Variants in PALD1 observed in about 807,000 individuals in gnomAD.
PALD1 encodes the protein paladin.
A neutral mutation model predicts 96.0 loss-of-function variants in PALD1; 57 were observed. The observed-to-expected ratio is 0.59, with a 90% CI of 0.48 to 0.74. The LOEUF (loss-of-function observed/expected upper bound fraction) is 0.74. Ranked by LOEUF, PALD1 falls within the 30% of genes least tolerant of loss-of-function variation. PALD1 has a pLI of 0.00. For missense variants in PALD1, 1,063 were observed against 1,143.7 expected (o/e 0.93, Z 1.02); for synonymous variants, 464 against 473.6 (o/e 0.98, Z 0.26).
intron 1 of PALD1, among the ~76,000 whole-genome samples, chr10:70,504,020 T>C (rs111417391): frequency 4.6e-5 from 7 of 152,342 alleles, no homozygotes; most frequent in Admixed American, 2.0e-4. Context: ...CTGCGCACCC[T>C]TGGGGCAAGT....
chr10:70,495,034 A>T (rs556446784), intron 1 of PALD1, among the ~76,000 whole-genome samples: 1 of 152,338 alleles, frequency 6.6e-6, no homozygotes, highest in South Asian at 2.1e-4. Context: ...AACTATCAGG[A>T]TGCAAGGCTG....
chr10:70,541,553 G>T lies in PALD1; in HGVS notation c.2121+19G>T. The T allele has an allele frequency of 6.3e-7, 1 of 1,596,366 alleles. No individual in the cohort carries two copies. The highest frequency in any genetic ancestry group is 8.6e-7 in the Non-Finnish European group (1 of 1,166,172). ...ATTTCAGGTGAGCATGCCCTGCGGG[G>T]TCCCTGAGGCACCTTGGGATGGGAG... On this transcript the variant is annotated intron_variant, in intron 17 of 19. Coordinates refer to ENST00000263563, the MANE Select transcript of PALD1 (RefSeq NM_014431.3).
At chr10:70,537,465 A>G (rs559302615) in intron 10 of PALD1, among the ~76,000 whole-genome samples, 1 of 152,292 alleles carries the variant, frequency 6.6e-6, no homozygotes, top group South Asian at 2.1e-4. Context: ...GGCTTCCTCA[A>G]CACAGAGGGT....
At chr10:70,473,536 C>A in the PALD1 span, among the ~76,000 whole-genome samples, 2 of 152,186 alleles carry the variant, frequency 1.3e-5, no homozygotes, top group African/African-American at 4.8e-5. Context: ...GTCCTCCCAG[C>A]CCACTAAAAT....
intron 17 of PALD1, 64 bp downstream of exon 17, chr10:70,541,598 T>C: frequency 2.4e-6 from 3 of 1,258,894 alleles, no homozygotes; most frequent in Non-Finnish European, 3.4e-6. Flanking sequence ...GACTCCTGCT[T>C]GCCGGTCTAG....
chr10:70,514,613 G>C (rs2132325486), intron 1 of PALD1, among the ~76,000 whole-genome samples: 1 of 152,244 alleles, frequency 6.6e-6, no homozygotes, highest in Admixed American at 6.5e-5. Flanking sequence ...TCACCTGGGA[G>C]GTTCATGTCT....
chr10:70,478,639 C>A (rs1845868145), upstream of PALD1, among the ~76,000 whole-genome samples: 1 of 152,174 alleles, frequency 6.6e-6, no homozygotes. Flanking sequence ...GTTCCTCCCG[C>A]CCGGGGGCTG....
At chr10:70,510,547 C>T (rs1425418371) in intron 1 of PALD1, among the ~76,000 whole-genome samples, 1 of 152,210 alleles carries the variant, frequency 6.6e-6, no homozygotes, top group Non-Finnish European at 1.5e-5. Context: ...CAGCCTTTTT[C>T]AGAAGAAGGC....
chr10:70,506,872 C>A (rs1385460159), intron 1 of PALD1, among the ~76,000 whole-genome samples: 1 of 152,188 alleles, frequency 6.6e-6, no homozygotes, highest in Non-Finnish European at 1.5e-5. Context: ...CATGTGTCCT[C>A]CTCCTTAGCC....
chr10:70,482,359 T>C (rs1026088096), intron 1 of PALD1, among the ~76,000 whole-genome samples: 1 of 152,182 alleles, frequency 6.6e-6, no homozygotes. Flanking sequence ...ATCATGGCTT[T>C]CGTTTCCCAG....
intron 1 of PALD1, among the ~76,000 whole-genome samples, chr10:70,483,400 A>G (rs982851942): frequency 2.6e-5 from 4 of 152,210 alleles, no homozygotes; most frequent in Non-Finnish European, 5.9e-5. Flanking sequence ...CTGCACACCC[A>G]TGGAAGGCAG....
intron 5 of PALD1, 118 bp from the exon 6 acceptor site, chr10:70,532,503 G>A (rs572000263): frequency 1.1e-5 from 11 of 984,242 alleles, no homozygotes; most frequent in Admixed American, 2.3e-5. Context: ...CCCTCATGGG[G>A]GGCAGAAGCC....
chr10:70,529,797 C>A (rs1012500461), intron 3 of PALD1, 92 bp from the exon 4 acceptor site: 17 of 1,159,806 alleles, frequency 1.5e-5, no homozygotes, highest in Non-Finnish European at 1.8e-5. Flanking sequence ...TATTTCCCCC[C>A]TCCCTGTCCC....
chr10:70,503,647 G>C (rs1169948565), intron 1 of PALD1, among the ~76,000 whole-genome samples: 1 of 152,136 alleles, frequency 6.6e-6, no homozygotes, highest in Non-Finnish European at 1.5e-5. Flanking sequence ...AGAAAAAAAA[G>C]AGAATGACAA....
At position 70,539,104 on chromosome 10, in the gene PALD1, A is replaced by G; in HGVS notation, c.1582A>G (p.Ile528Val). Residue 528 changes from isoleucine (I) to valine (V), a missense_variant, in exon 14 of 20, where the codon ATC becomes GTC. Ile to Val is a conservative substitution (Grantham distance 29). Coordinates refer to ENST00000263563, the MANE Select transcript of PALD1 (RefSeq NM_014431.3). This position sits in a 1 kb window ranked among gnomAD's most constrained non-coding sequence, Gnocchi z 4.5. ...AQPSAKALGSILAYLTDAKRR... is the reference protein window; with the variant it reads ...AQPSAKALGSVLAYLTDAKRR... ...CTCCTGTGCCCAGGCCCTGGGGAGC[A>G]TCCTGGCCTACCTGACGGACGCCAA... 3 of 1,613,898 alleles carry G rather than the reference A, an allele frequency of 1.9e-6. No homozygotes were observed. The highest frequency in any genetic ancestry group is 2.5e-6 in the Non-Finnish European group (3 of 1,179,892).
intron 4 of PALD1, 36 bp from the exon 5 acceptor site, chr10:70,531,254 T>C (rs769975496): frequency 1.9e-6 from 3 of 1,591,864 alleles, no homozygotes; most frequent in Non-Finnish European, 2.6e-6. Context: ...TGCGGGATCA[T>C]GATGATGGCT....
intron 2 of PALD1, among the ~76,000 whole-genome samples, chr10:70,527,432 C>T (rs1328003638): frequency 6.6e-6 from 1 of 152,200 alleles, no homozygotes; most frequent in Non-Finnish European, 1.5e-5. Flanking sequence ...CTACATCCTG[C>T]AGGCCCAATG....
chr10:70,551,353 C>T (rs563369669), intron 18 of PALD1, among the ~76,000 whole-genome samples: 2 of 152,304 alleles, frequency 1.3e-5, no homozygotes, highest in East Asian at 1.9e-4. Context: ...TGCTCAGAGC[C>T]GGGTGCTGTC....
At chr10:70,476,923 T>C (rs1449216288), upstream of PALD1, among the ~76,000 whole-genome samples, 1 of 151,988 alleles carries the variant, frequency 6.6e-6, no homozygotes, top group Non-Finnish European at 1.5e-5. Context: ...TGCATATGTG[T>C]ATGTGCTATG....
Sources: allele counts gnomAD v4.1 joint callset (sites outside exome capture counted in the v4.1 genomes callset), GRCh38; gene constraint gnomAD v4.1.1; non-coding constraint Gnocchi (gnomAD v3.1); transcripts MANE v1.5; gene names NCBI Gene and HGNC (gene_info 2026-07-23, HGNC 2026-07-21).